The following SI variants were observed in gnomAD, a reference collection of about 807,000 sequenced individuals.
SI encodes the protein sucrase-isomaltase, intestinal.
In SI, 235 loss-of-function variants were observed where a neutral mutation model predicts 253.3. That is an observed-to-expected ratio of 0.93 (90% CI 0.83 to 1.03). The LOEUF (loss-of-function observed/expected upper bound fraction) is 1.03. SI is among the 50% of genes least tolerant of loss of function. The pLI is 0.00. For synonymous variants in SI, 819 were observed against 712.0 expected, an observed-to-expected ratio of 1.15 and a Z score of -2.39; for missense variants, 2,442 against 2,211.1, an observed-to-expected ratio of 1.10 and a Z score of -2.09.
intron 37 of SI, among the ~76,000 whole-genome samples, chr3:164,998,997 C>T (rs182646147): frequency 9.2e-5 from 14 of 151,862 alleles, no homozygotes; most frequent in African/African-American, 2.6e-4. Context: ...TTTTATTTTA[C>T]TTTAATGTAT....
chr3:165,068,291 A>G (rs1007494783), intron 5 of SI, among the ~76,000 whole-genome samples: 8 of 152,218 alleles, frequency 5.3e-5, no homozygotes, highest in Non-Finnish European at 1.0e-4. Context: ...TAAAGCCTCC[A>G]AAAATAAGTG....
Position 165,013,037 on chromosome 3 carries a change from C to A in SI, c.4005G>T (p.Trp1335Cys). 5 of 1,603,912 alleles carry A rather than the reference C, an allele frequency of 3.1e-6. No homozygotes were observed. Among genetic ancestry groups the A allele is most frequent in the Non-Finnish European group, 4.3e-6 (5 of 1,171,136 alleles). Residue 1335 changes from tryptophan to cysteine, a missense_variant, in exon 34 of 48, where the codon TGG becomes TGT. By Grantham distance (215) the Trp-to-Cys change is radical. Transcript: ENST00000264382. ...CTATTGTTATGTTGGGCAAATCTGG[C>A]CAAACCTACAAGAGACAAGACATGG... ...NTNDICWAKVWPDLPNITIDK... is the reference protein window; with the variant it reads ...NTNDICWAKVCPDLPNITIDK...
intron 16 of SI, among the ~76,000 whole-genome samples, chr3:165,044,909 T>C (rs1713030333): frequency 6.6e-6 from 1 of 152,080 alleles, no homozygotes; most frequent in Admixed American, 6.6e-5. Flanking sequence ...TTAATCTATC[T>C]GGGACTGTTT....
At chr3:165,046,471 T>A (rs1194457239) in intron 16 of SI, among the ~76,000 whole-genome samples, 1 of 152,036 alleles carries the variant, frequency 6.6e-6, no homozygotes, top group Non-Finnish European at 1.5e-5. Context: ...AAACTGGTAA[T>A]CTAATATTTT....
At chr3:165,016,871 C>G (rs1719056973) in intron 31 of SI, among the ~76,000 whole-genome samples, 1 of 151,860 alleles carries the variant, frequency 6.6e-6, no homozygotes, top group Admixed American at 6.6e-5. Flanking sequence ...ATTTCCCATA[C>G]TAGTTATTCA....
At chr3:165,025,308 GA>G (rs1711853852) in intron 25 of SI, among the ~76,000 whole-genome samples, 1 of 151,150 alleles carries the variant, frequency 6.6e-6, no homozygotes, top group Non-Finnish European at 1.5e-5. Flanking sequence ...AAAGAAAAAA[GA>G]AGAAGACAAT....
Position 165,022,339 on chromosome 3 carries a change from G to T in SI, c.3100-956C>A, listed in dbSNP as rs542508863. ...TGGCTTGAAAGGCCTTTGCTAGCCA[G>T]ATACAAAATAAATATGCAGCTAAAT... On this transcript the variant is annotated intron_variant, in intron 26 of 47. Coordinates refer to ENST00000264382, the MANE Select transcript of SI (RefSeq NM_001041.4). 2.0e-5 allele frequency among the ~76,000 whole-genome samples: 3 copies of T among 151,628 alleles called. No individual in the cohort carries two copies. The Admixed American group carries it at 2.0e-4, about 10-fold the overall frequency.
intron 45 of SI, among the ~76,000 whole-genome samples, chr3:164,983,542 G>A (rs1436670638): frequency 6.6e-6 from 1 of 152,014 alleles, no homozygotes; most frequent in Non-Finnish European, 1.5e-5. Flanking sequence ...AAATTAAACT[G>A]GCAAAATGTA....
At chr3:165,073,259 C>A (rs1041650768) in intron 3 of SI, among the ~76,000 whole-genome samples, 1 of 150,512 alleles carries the variant, frequency 6.6e-6, no homozygotes, top group Non-Finnish European at 1.5e-5. Flanking sequence ...TCTTTCGAGA[C>A]GGAGTCTCGC....
chr3:164,989,353 GAAGAAAGAAAGA>G (rs201006284), intron 44 of SI, among the ~76,000 whole-genome samples: 1 of 111,000 alleles, frequency 9.0e-6, no homozygotes, highest in East Asian at 2.6e-4. Context: ...AAGAGAGAAA[GAAGAAAGAAAGA>G]AAGAAAGGAA....
At chr3:165,062,578 A>C in intron 8 of SI, 95 bp from the exon 9 acceptor site, 2 of 681,010 alleles carry the variant, frequency 2.9e-6, no homozygotes, top group South Asian at 3.3e-5. Context: ...TATTAACTAC[A>C]TTATTTTACA....
At chr3:165,016,450 GTA>G (rs1178695960) in intron 31 of SI, among the ~76,000 whole-genome samples, 1 of 152,008 alleles carries the variant, frequency 6.6e-6, no homozygotes, top group East Asian at 1.9e-4. Context: ...CTTTTGTACA[GTA>G]TATACAGAAA....
Position 165,009,288 on chromosome 3 carries a change from A to G in SI, c.4170T>C (p.Gly1390=). ...DFYNEKMKFD[G]LWIDMNEPSS... ...TTCAAAGCTTACTTACAATCCACAA[A>G]CCATCAAACTTCATCTTTTCATTGT... Residue 1390 remains glycine, a synonymous_variant, in exon 35 of 48, where the codon GGT becomes GGC. Coordinates refer to ENST00000264382, the MANE Select transcript of SI (RefSeq NM_001041.4). 1.2e-6 allele frequency: 2 copies of G among 1,601,084 alleles called. No individual in the cohort carries two copies.
At chr3:165,027,002 A>G (rs1711957058) in intron 25 of SI, among the ~76,000 whole-genome samples, 1 of 151,398 alleles carries the variant, frequency 6.6e-6, no homozygotes, top group African/African-American at 2.4e-5. Flanking sequence ...TTGAAACAAA[A>G]AAATACAAAA....
At chr3:165,029,390 A>G (rs1196337038) in intron 25 of SI, among the ~76,000 whole-genome samples, 1 of 150,650 alleles carries the variant, frequency 6.6e-6, no homozygotes, top group Non-Finnish European at 1.5e-5. Context: ...TAAAGAATTA[A>G]AAGAAGAACT....
At chr3:165,055,060 G>GA (rs1487328633) in intron 13 of SI, 134 bp downstream of exon 13, 10 of 618,990 alleles carry the variant, frequency 1.6e-5, no homozygotes, top group Admixed American at 5.6e-5. Context: ...TCCATTCTGG[G>GA]AAAAAACATT....
At chr3:165,004,723 T>C (rs1718421092) in intron 37 of SI, among the ~76,000 whole-genome samples, 1 of 152,180 alleles carries the variant, frequency 6.6e-6, no homozygotes, top group Non-Finnish European at 1.5e-5. Context: ...TCTCACTTAT[T>C]GTGGCTGCTA....
chr3:165,046,422 T>A (rs1713120053), intron 16 of SI, among the ~76,000 whole-genome samples: 1 of 152,018 alleles, frequency 6.6e-6, no homozygotes, highest in African/African-American at 2.4e-5. Flanking sequence ...TTCTTATGTT[T>A]TATATATATT....
At chr3:164,991,678 C>A (rs1199334291) in intron 43 of SI, among the ~76,000 whole-genome samples, 5 of 151,962 alleles carry the variant, frequency 3.3e-5, no homozygotes, top group Non-Finnish European at 7.4e-5. Flanking sequence ...ATGTTGTATA[C>A]CTTAAATATA....
Sources: allele counts gnomAD v4.1 joint callset (sites outside exome capture counted in the v4.1 genomes callset), GRCh38; gene constraint gnomAD v4.1.1; transcripts MANE v1.5; gene names NCBI Gene and HGNC (gene_info 2026-07-23, HGNC 2026-07-21).